EXOC6: variants seen among roughly 807,000 people sequenced by gnomAD.
EXOC6 encodes SEC15-like 1.
Under a neutral mutation model 112.5 loss-of-function variants are expected in EXOC6, and 60 were observed. That is an observed-to-expected ratio of 0.53 (90% CI 0.43 to 0.66). The LOEUF (loss-of-function observed/expected upper bound fraction) is 0.66. Among genes scored for constraint, EXOC6 ranks in the 30% least tolerant of loss-of-function variants. The pLI, the probability that EXOC6 is intolerant of heterozygous loss-of-function variation, is 0.00. For missense variants in EXOC6, 855 were observed against 957.1 expected, an observed-to-expected ratio of 0.89 and a Z score of 1.41; for synonymous variants, 295 against 308.0, an observed-to-expected ratio of 0.96 and a Z score of 0.44.
chr10:93,015,658 G>A (rs1844474835), intron 20 of EXOC6, among the ~76,000 whole-genome samples: 2 of 152,144 alleles, frequency 1.3e-5, no homozygotes, highest in Admixed American at 6.5e-5. Flanking sequence ...CCTTGAACAT[G>A]GCAGGTGGAG....
chr10:93,057,087 C>G (rs755516798), intron 21 of EXOC6, 51 bp downstream of exon 21: 3 of 921,024 alleles, frequency 3.3e-6, no homozygotes, highest in African/African-American at 3.5e-5. Flanking sequence ...CCTTTTGATT[C>G]AGTGATAAAC....
intron 18 of EXOC6, among the ~76,000 whole-genome samples, chr10:92,983,500 CTTTTTTTT>C (rs11349490): frequency 9.1e-6 from 1 of 109,398 alleles, no homozygotes; most frequent in African/African-American, 3.9e-5. Context: ...CTTTCTTCTT[CTTTTTTTT>C]TTTTTTTTTT....
intron 18 of EXOC6, among the ~76,000 whole-genome samples, chr10:92,977,270 G>GA (rs35357127): frequency 0.26 from 39,024 of 149,912 alleles, 5,111 homozygotes; most frequent in Middle Eastern, 0.37. Flanking sequence ...TTGGAATGGG[G>GA]AAAAAAAAAG....
intron 19 of EXOC6, among the ~76,000 whole-genome samples, chr10:93,007,682 G>A (rs1006778794): frequency 6.6e-6 from 1 of 152,034 alleles, no homozygotes; most frequent in Admixed American, 6.6e-5. Flanking sequence ...CAACTTCATC[G>A]ATTGCCAATT....
chr10:92,927,364 A>G (rs1242640807), intron 8 of EXOC6, among the ~76,000 whole-genome samples: 1 of 152,176 alleles, frequency 6.6e-6, no homozygotes, highest in African/African-American at 2.4e-5. Flanking sequence ...CCTAATATTT[A>G]TTGAGTGCCT....
chr10:93,035,774 G>A (rs1845488262), intron 20 of EXOC6, among the ~76,000 whole-genome samples: 1 of 152,218 alleles, frequency 6.6e-6, no homozygotes, highest in African/African-American at 2.4e-5. Flanking sequence ...AGAATTGCTT[G>A]AACCTGGCCT....
At chr10:92,930,010 T>G (rs1392775764) in intron 9 of EXOC6, among the ~76,000 whole-genome samples, 2 of 151,998 alleles carry the variant, frequency 1.3e-5, no homozygotes, top group African/African-American at 4.8e-5. Context: ...AGAAATACAC[T>G]CTTAGAAACT....
rs764669743 is a variant in EXOC6 at position 92,848,612 on chromosome 10, G to A, written c.79G>A (p.Ala27Thr). The stretch of plus-strand genomic sequence containing the variant: ...GCAGGAGATCGAGAGCACCGACACC[G>A]CCTGTGTGGGGCCCACCCTCCGGTA... ...ILQEIESTDT[A>T]CVGPTLRSVY... Residue 27 changes from alanine to threonine, a missense_variant, in exon 1 of 22, where the codon GCC (alanine) becomes ACC (threonine). This residue lies in a region of EXOC6 where 405 missense variants were observed against 393.6 expected (regional missense o/e 1.03). Coordinates refer to ENST00000260762, the MANE Select transcript of EXOC6 (RefSeq NM_019053.6). 1.4e-6 allele frequency: 2 copies of A among 1,445,522 alleles called. No individual in the cohort carries two copies. The highest frequency in any genetic ancestry group is 1.5e-5 in the African/African-American group (1 of 66,942). 89.5% of individuals were successfully genotyped at this position (1,445,522 alleles called of 1,614,324 possible).
chr10:93,013,738 G>C (rs1169545554), intron 19 of EXOC6, among the ~76,000 whole-genome samples: 1 of 152,186 alleles, frequency 6.6e-6, no homozygotes, highest in African/African-American at 2.4e-5. Flanking sequence ...CTTGGTGTCT[G>C]CCTTTTATTG....
chr10:92,917,622 C>T (rs898068968), intron 7 of EXOC6, among the ~76,000 whole-genome samples: 1 of 151,162 alleles, frequency 6.6e-6, no homozygotes, highest in Non-Finnish European at 1.5e-5. Flanking sequence ...ACTTCTGGGT[C>T]CAAGTGTTCT....
intron 17 of EXOC6, among the ~76,000 whole-genome samples, chr10:92,965,305 T>TCAG (rs1841999812): frequency 1.8e-4 from 28 of 152,162 alleles, no homozygotes; most frequent in Admixed American, 1.8e-3. Flanking sequence ...GTGGGTTCTG[T>TCAG]TGCACACCTA....
intron 19 of EXOC6, among the ~76,000 whole-genome samples, chr10:93,000,279 A>G (rs1166842745): frequency 6.6e-6 from 1 of 152,142 alleles, no homozygotes; most frequent in Non-Finnish European, 1.5e-5. Flanking sequence ...AGACAAGTTC[A>G]GTTGTCTAAA....
chr10:92,974,811 G>T (rs937338856), intron 18 of EXOC6, among the ~76,000 whole-genome samples: 1 of 152,130 alleles, frequency 6.6e-6, no homozygotes, highest in Non-Finnish European at 1.5e-5. Context: ...CGAGTGATCC[G>T]CCAGCCTCGG....
chr10:93,020,452 CAG>C (rs1285269884), intron 20 of EXOC6, among the ~76,000 whole-genome samples: 2 of 152,106 alleles, frequency 1.3e-5, no homozygotes, highest in African/African-American at 4.8e-5. Context: ...GAAGATGCTT[CAG>C]AGACTCCAAT....
chr10:92,865,469 G>A (rs1011764450), intron 1 of EXOC6, among the ~76,000 whole-genome samples: 2 of 152,094 alleles, frequency 1.3e-5, no homozygotes, highest in Non-Finnish European at 2.9e-5. Flanking sequence ...CCCATGAGGT[G>A]GAGGTTGCAG....
Position 93,056,980 on chromosome 10 carries a change from G to T in EXOC6, c.2226G>T (p.Gln742His). 1 of 1,599,002 alleles carries T rather than the reference G, an allele frequency of 6.3e-7. No individual in the cohort carries two copies. Among genetic ancestry groups the T allele is most frequent in the Non-Finnish European group, 8.5e-7 (1 of 1,174,962 alleles). ...CTACTTACCTAGCTGATTATGGGCA[G>T]CCAGCTTCTAAGTACCTTCGGGTGA... Reference protein sequence around the residue: ...DWSTYLADYGQPASKYLRVNP... With the variant: ...DWSTYLADYGHPASKYLRVNP... Residue 742 changes from glutamine (Q) to histidine (H), a missense_variant, in exon 21 of 22, where the codon CAG becomes CAT. By Grantham distance (24) the Gln-to-His change is conservative. Coordinates refer to ENST00000260762, the MANE Select transcript of EXOC6 (RefSeq NM_019053.6).
At chr10:92,987,655 A>C in intron 18 of EXOC6, 1 of 981,308 alleles carries the variant, frequency 1.0e-6, no homozygotes, top group Non-Finnish European at 1.2e-6. Context: ...AAGTAGATAT[A>C]AACTAAAGCT....
chr10:92,867,280 A>G (rs1173522642), intron 1 of EXOC6, among the ~76,000 whole-genome samples: 1 of 152,210 alleles, frequency 6.6e-6, no homozygotes, highest in Admixed American at 6.5e-5. Context: ...TCATCCGTCT[A>G]TAAGGATCAC....
chr10:93,057,142 G>T (rs1846582570), intron 21 of EXOC6, 106 bp downstream of exon 21: 3 of 587,342 alleles, frequency 5.1e-6, no homozygotes, highest in Admixed American at 7.8e-5. Context: ...TCTAGATGGA[G>T]CTTAAAAGCT....
Sources: allele counts gnomAD v4.1 joint callset (sites outside exome capture counted in the v4.1 genomes callset), GRCh38; gene constraint gnomAD v4.1.1; regional missense constraint gnomAD v4.1.1; transcripts MANE v1.5; gene names NCBI Gene and HGNC (gene_info 2026-07-23, HGNC 2026-07-21).